The following PRKD3 variants were observed in gnomAD, a reference collection of about 807,000 sequenced individuals.
PRKD3 encodes serine/threonine-protein kinase D3.
Under a neutral mutation model 99.2 loss-of-function variants are expected in PRKD3, and 47 were observed. That is an observed-to-expected ratio of 0.47 (90% CI 0.38 to 0.60). The LOEUF is 0.60. Among genes scored for constraint, PRKD3 ranks in the 20% least tolerant of loss-of-function variants. PRKD3 has a pLI of 0.00. For synonymous variants in PRKD3, 392 were observed against 355.4 expected (o/e 1.10, Z -1.16); for missense variants, 1,019 against 1,088.4 (o/e 0.94, Z 0.90).
At position 37,254,253 on chromosome 2, in the gene PRKD3, A is replaced by T. The variant is rs771697868; in HGVS notation, c.2450T>A (p.Met817Lys). 1.2e-6 allele frequency: 2 copies of T among 1,612,844 alleles called. No individual in the cohort carries two copies. Among genetic ancestry groups the T allele is most frequent in the African/African-American group, 2.7e-5 (2 of 74,888 alleles). Reference sequence around the variant, plus strand: ...TTTGTCAACACTGTAACGTTTTCTCATCTTCACTTGAAGCAGATTGTTTAT... The same window carrying T: ...TTTGTCAACACTGTAACGTTTTCTCTTCTTCACTTGAAGCAGATTGTTTAT... Reference protein sequence around the residue: ...DLINNLLQVKMRKRYSVDKSL... With the variant: ...DLINNLLQVKKRKRYSVDKSL... Residue 817 changes from methionine to lysine, a missense_variant, in exon 18 of 19, where the codon ATG (methionine) becomes AAG (lysine). By Grantham distance (95) the Met-to-Lys change is moderately conservative. Coordinates refer to ENST00000234179, the MANE Select transcript of PRKD3 (RefSeq NM_005813.6).
At chr2:37,255,694 G>C (rs1481478196) in intron 17 of PRKD3, among the ~76,000 whole-genome samples, 1 of 152,148 alleles carries the variant, frequency 6.6e-6, no homozygotes, top group East Asian at 1.9e-4. Flanking sequence ...AGTCAATTAT[G>C]AAAAGAATGA....
chr2:37,281,580 AC>A (rs1558550578), intron 7 of PRKD3, among the ~76,000 whole-genome samples: 1 of 151,718 alleles, frequency 6.6e-6, no homozygotes, highest in Non-Finnish European at 1.5e-5. Context: ...CAGGAAACGG[AC>A]CCCCCTCACC....
chr2:37,261,169 C>A (rs1042641006), intron 14 of PRKD3, among the ~76,000 whole-genome samples: 21 of 152,296 alleles, frequency 1.4e-4, no homozygotes, highest in East Asian at 1.3e-3. Flanking sequence ...GAACCAAGTG[C>A]TTAAACAATT....
In PRKD3 at chr2:37,317,138, G is replaced by T. The variant is rs2124904744; in HGVS notation, c.-614C>A. 1.0e-6 allele frequency: 1 copy of T among 984,958 alleles called. No homozygotes were observed. Among genetic ancestry groups the T allele is most frequent in the South Asian group, 4.7e-5 (1 of 21,226 alleles). 61.0% of individuals were successfully genotyped at this position (984,958 alleles called of 1,614,324 possible). A position where few individuals can be genotyped will look rare whatever the true frequency, so the allele number is the denominator to read the frequency against. ...ACAGGCATATTTCATTAGATGAATG[G>T]GTCCATCGAGAAAAGCTGATGCTTT... On this transcript the variant is annotated 5_prime_UTR_variant, in exon 2 of 19. Transcript: ENST00000234179.
At chr2:37,279,009 T>C (rs1395767401) in intron 8 of PRKD3, 1 of 151,716 alleles carries the variant, frequency 6.6e-6, no homozygotes, top group Non-Finnish European at 1.5e-5. Flanking sequence ...TAAACAAAGA[T>C]TTTGTTAATA....
chr2:37,281,091 A>G (rs1158584515), intron 7 of PRKD3, among the ~76,000 whole-genome samples: 1 of 152,218 alleles, frequency 6.6e-6, no homozygotes, highest in African/African-American at 2.4e-5. Flanking sequence ...GTTGTAATCA[A>G]AAAGATATAC....
chr2:37,286,679 A>C (rs945908138), intron 5 of PRKD3, among the ~76,000 whole-genome samples: 4 of 152,234 alleles, frequency 2.6e-5, no homozygotes, highest in Non-Finnish European at 5.9e-5. Context: ...TTTAAAACAA[A>C]TAAATGAAGA....
chr2:37,317,462 A>T (rs1558584564), intron 1 of PRKD3, among the ~76,000 whole-genome samples: 1 of 133,252 alleles, frequency 7.5e-6, no homozygotes, highest in Admixed American at 7.0e-5. Flanking sequence ...ATCAATGAAG[A>T]CCAAACACTT....
chr2:37,273,442 G>C (rs527782851), intron 11 of PRKD3, among the ~76,000 whole-genome samples: 55 of 152,130 alleles, frequency 3.6e-4, no homozygotes, highest in African/African-American at 9.6e-4. Context: ...CTCCCACTGA[G>C]ATCTGCCTAC....
At chr2:37,276,294 C>T (rs1030004517) in intron 9 of PRKD3, among the ~76,000 whole-genome samples, 1 of 152,088 alleles carries the variant, frequency 6.6e-6, no homozygotes, top group Admixed American at 6.6e-5. Context: ...TCTTCAGCAA[C>T]GTATGAGAGT....
chr2:37,267,284 A>C, intron 14 of PRKD3, 146 bp downstream of exon 14: 1 of 504,566 alleles, frequency 2.0e-6, no homozygotes, highest in Non-Finnish European at 3.4e-6. Context: ...AACTACTACC[A>C]TAAAGCAAGA....
At chr2:37,285,575 A>C (rs918549536) in intron 6 of PRKD3, among the ~76,000 whole-genome samples, 1 of 151,894 alleles carries the variant, frequency 6.6e-6, no homozygotes, top group Non-Finnish European at 1.5e-5. Context: ...TGTGTGTGTA[A>C]TAAATGTTTA....
chr2:37,274,865 G>A (rs764301411), intron 10 of PRKD3, among the ~76,000 whole-genome samples, 168 bp from the exon 11 acceptor site: 7 of 152,178 alleles, frequency 4.6e-5, no homozygotes, highest in African/African-American at 1.7e-4. Flanking sequence ...TCTTGAATGA[G>A]CTGCAATGTC....
At chr2:37,322,296 A>G (rs531202308) in intron 1 of PRKD3, among the ~76,000 whole-genome samples, 11 of 152,368 alleles carry the variant, frequency 7.2e-5, no homozygotes, top group African/African-American at 1.7e-4. Flanking sequence ...TAAAAAAATC[A>G]TATCTTGTAG....
rs774634026 is a variant in PRKD3 at position 37,274,583 on chromosome 2, C to T, written c.1489G>A (p.Val497Ile). The change falls in exon 11 of 19, where the codon GTT becomes ATT. Residue 497 changes from valine (V) to isoleucine (I), a missense_variant. Physicochemically the swap from Val to Ile is conservative, Grantham distance 29 (BLOSUM62 3). Transcript: ENST00000234179. ...GAGCTGTCCCCATTGTTCTCACCAACGAAGTATACCATAGTATCAGTAATG... is the reference window on the plus strand; with the variant it reads ...GAGCTGTCCCCATTGTTCTCACCAATGAAGTATACCATAGTATCAGTAATG... ...EIITDTMVYFVGENNGDSSHN... is the reference protein window; with the variant it reads ...EIITDTMVYFIGENNGDSSHN... 21 of 1,613,960 alleles carry T rather than the reference C, an allele frequency of 1.3e-5. No individual in the cohort carries two copies. The highest frequency in any genetic ancestry group is 1.6e-5 in the Non-Finnish European group (19 of 1,179,980).
Position 37,316,808 on chromosome 2 carries a change from C to G in PRKD3, c.-284G>C, listed in dbSNP as rs537417321. On this transcript the variant is annotated 5_prime_UTR_variant, in exon 2 of 19. Coordinates refer to ENST00000234179, the MANE Select transcript of PRKD3 (RefSeq NM_005813.6). The stretch of plus-strand genomic sequence containing the variant: ...AAGGATTTAACATCACTGAGCTATC[C>G]TCAGCAGGATAGAGTTGACGTAGCT... 5.3e-5 allele frequency: 66 copies of G among 1,240,626 alleles called. No individual in the cohort carries two copies. In the African/African-American group the frequency reaches 9.2e-4, roughly 17 times the overall value. The allele number at this position is 1,240,626 out of a possible 1,614,324, so 76.9% of individuals were successfully genotyped here.
intron 2 of PRKD3, among the ~76,000 whole-genome samples, chr2:37,298,422 T>TA (rs1553376026): frequency 1.2e-3 from 187 of 151,526 alleles, no homozygotes; most frequent in African/African-American, 3.8e-3. Flanking sequence ...TTTTTTTTTT[T>TA]AAAAACAGAT....
chr2:37,255,234 T>C (rs1218245300), intron 17 of PRKD3, among the ~76,000 whole-genome samples: 1 of 152,238 alleles, frequency 6.6e-6, no homozygotes, highest in Non-Finnish European at 1.5e-5. Flanking sequence ...TGCTACTGTC[T>C]TCACATGTTG....
At chr2:37,271,861 G>A (rs542862537) in intron 12 of PRKD3, among the ~76,000 whole-genome samples, 29 of 152,256 alleles carry the variant, frequency 1.9e-4, no homozygotes, top group South Asian at 6.2e-4. Flanking sequence ...AAAAGTTTAC[G>A]GAAAAAGTTG....
Sources: allele counts gnomAD v4.1 joint callset (sites outside exome capture counted in the v4.1 genomes callset), GRCh38; gene constraint gnomAD v4.1.1; transcripts MANE v1.5; gene names NCBI Gene and HGNC (gene_info 2026-07-23, HGNC 2026-07-21).